Variants in SUMF1 observed in about 807,000 individuals in gnomAD.
SUMF1 encodes sulfatase modifying factor 1.
A neutral mutation model predicts 47.6 loss-of-function variants in SUMF1; 48 were observed. The observed-to-expected ratio is 1.01, with a 90% CI of 0.80 to 1.28. The LOEUF (loss-of-function observed/expected upper bound fraction) is 1.28. Ranked by LOEUF, SUMF1 falls within the 50% of genes most tolerant of loss-of-function variation. The pLI is 0.00. For missense variants in SUMF1, 571 were observed against 485.4 expected (o/e 1.18, Z -1.66); for synonymous variants, 230 against 192.1 (o/e 1.20, Z -1.63).
intron 8 of SUMF1, among the ~76,000 whole-genome samples, chr3:4,077,338 T>C (rs543321085): frequency 6.6e-6 from 1 of 152,080 alleles, no homozygotes; most frequent in South Asian, 2.1e-4. Flanking sequence ...ATCATGCTAC[T>C]ATAAAGACAC....
At chr3:4,409,258 G>A (rs1399989511) in intron 7 of SUMF1, among the ~76,000 whole-genome samples, 5 of 152,250 alleles carry the variant, frequency 3.3e-5, no homozygotes, top group Middle Eastern at 3.4e-3. Context: ...AGGATTTGGG[G>A]TTTAGTTCTC....
intron 8 of SUMF1, among the ~76,000 whole-genome samples, chr3:4,225,945 G>A (rs532807176): frequency 6.6e-6 from 1 of 152,184 alleles, no homozygotes; most frequent in South Asian, 2.1e-4. Context: ...GATGTAGGAT[G>A]GAGAGCCCAT....
At chr3:4,132,370 G>A (rs184071010) in intron 8 of SUMF1, among the ~76,000 whole-genome samples, 41 of 152,208 alleles carry the variant, frequency 2.7e-4, no homozygotes, top group Admixed American at 2.2e-3. Flanking sequence ...ATAGAACAGT[G>A]GAATGGCCTT....
chr3:4,174,818 A>T (rs1265665410), intron 8 of SUMF1, among the ~76,000 whole-genome samples: 1 of 152,118 alleles, frequency 6.6e-6, no homozygotes, highest in Non-Finnish European at 1.5e-5. Context: ...GAAAAAAGGG[A>T]CACTCCCACT....
chr3:4,437,445 A>G (rs947249442), intron 3 of SUMF1, among the ~76,000 whole-genome samples: 3 of 152,208 alleles, frequency 2.0e-5, no homozygotes, highest in African/African-American at 7.2e-5. Context: ...CAGGCCAGAA[A>G]TTGAGGAAAA....
At chr3:4,157,952 C>T (rs764040780) in intron 8 of SUMF1, among the ~76,000 whole-genome samples, 5 of 150,670 alleles carry the variant, frequency 3.3e-5, no homozygotes, top group Non-Finnish European at 7.4e-5. Context: ...TCTGGCAGCG[C>T]TGCCCAATAT....
chr3:4,178,109 G>C (rs1314233158), intron 8 of SUMF1, among the ~76,000 whole-genome samples: 2 of 152,070 alleles, frequency 1.3e-5, no homozygotes, highest in Admixed American at 1.3e-4. Context: ...TTCTACCAGA[G>C]GTACAAAGAG....
chr3:4,314,796 T>C (rs1447360220), intron 8 of SUMF1, among the ~76,000 whole-genome samples: 1 of 152,214 alleles, frequency 6.6e-6, no homozygotes, highest in African/African-American at 2.4e-5. Context: ...TGGAGGTTTA[T>C]CAGACATTTT....
At chr3:4,312,933 C>T (rs201233667) in intron 8 of SUMF1, 1 of 1,613,170 alleles carries the variant, frequency 6.2e-7, no homozygotes, top group Admixed American at 1.7e-5. Context: ...CTGGAGCAGA[C>T]ATTGATCCCA....
chr3:4,087,329 C>A (rs1176352435), intron 8 of SUMF1, among the ~76,000 whole-genome samples: 1 of 152,104 alleles, frequency 6.6e-6, no homozygotes, highest in East Asian at 1.9e-4. Flanking sequence ...TGCAGCATGC[C>A]TTCTTTCAAT....
At chr3:4,306,841 AAG>A (rs777699182) in intron 8 of SUMF1, among the ~76,000 whole-genome samples, 2 of 152,242 alleles carry the variant, frequency 1.3e-5, no homozygotes, top group Non-Finnish European at 2.9e-5. Flanking sequence ...AAAAGGCAAA[AAG>A]AAATTCAAAT....
chr3:4,421,656 A>T (rs889710678), intron 3 of SUMF1, among the ~76,000 whole-genome samples: 11 of 151,970 alleles, frequency 7.2e-5, no homozygotes, highest in Admixed American at 4.6e-4. Context: ...AATTTTTTGT[A>T]TTTTTTTGTA....
intron 8 of SUMF1, among the ~76,000 whole-genome samples, chr3:4,109,248 T>C (rs1226726748): frequency 6.6e-6 from 1 of 152,096 alleles, no homozygotes; most frequent in Non-Finnish European, 1.5e-5. Flanking sequence ...TGTTGAATAT[T>C]GGCCCCCACT....
chr3:4,331,781 G>C (rs1374436013), intron 8 of SUMF1, among the ~76,000 whole-genome samples: 1 of 152,178 alleles, frequency 6.6e-6, no homozygotes, highest in Non-Finnish European at 1.5e-5. Context: ...AGTGAGCCAA[G>C]ATCGCGCCAC....
At chr3:4,198,424 T>C (rs937272265) in intron 8 of SUMF1, among the ~76,000 whole-genome samples, 2 of 152,136 alleles carry the variant, frequency 1.3e-5, no homozygotes, top group Admixed American at 6.6e-5. Flanking sequence ...AGTTTGAAAG[T>C]AGATACTCCT....
intron 8 of SUMF1, among the ~76,000 whole-genome samples, chr3:4,224,115 A>T (rs1351900383): frequency 6.6e-6 from 1 of 152,052 alleles, no homozygotes; most frequent in Non-Finnish European, 1.5e-5. Flanking sequence ...CAGTGCAAGG[A>T]CCTCATGTCT....
intron 7 of SUMF1, among the ~76,000 whole-genome samples, chr3:4,385,383 G>A (rs960574243): frequency 1.8e-4 from 27 of 152,232 alleles, no homozygotes; most frequent in Middle Eastern, 3.4e-3. Flanking sequence ...TGCTAATGAC[G>A]TTGAGCATCT....
At position 4,467,014 on chromosome 3, in the gene SUMF1, C is replaced by T. The variant is rs774306376; in HGVS notation, c.232G>A (p.Gly78Ser). ...AGTTGCCGCTCTCCGGGTACGGGGC[C>T]CGGAGCGTTAGCCTCCCGCGAGTAT... ...HRYSREANAP[G>S]PVPGERQLAH... The change falls in exon 1 of 9, where the codon GGC (glycine) becomes AGC (serine). Residue 78 changes from glycine to serine, a missense_variant. Gly to Ser is a moderately conservative substitution (Grantham distance 56, BLOSUM62 0). Transcript: ENST00000272902. The T allele has an allele frequency of 1.9e-6, 3 of 1,593,858 alleles. No homozygotes were observed. The highest frequency in any genetic ancestry group is 1.8e-5 in the Admixed American group (1 of 56,954).
chr3:4,147,860 A>G (rs892897281), intron 8 of SUMF1, among the ~76,000 whole-genome samples: 3 of 152,102 alleles, frequency 2.0e-5, no homozygotes, highest in African/African-American at 7.2e-5. Context: ...CCTGATCTTA[A>G]GTTAGTCAGC....
Sources: allele counts gnomAD v4.1 joint callset (sites outside exome capture counted in the v4.1 genomes callset), GRCh38; gene constraint gnomAD v4.1.1; transcripts MANE v1.5; gene names NCBI Gene and HGNC (gene_info 2026-07-23, HGNC 2026-07-21).